Variants in NAV2 observed in about 807,000 individuals in gnomAD.
The protein encoded by NAV2 is helicase, APC down-regulated 1.
Under a neutral mutation model 223.2 loss-of-function variants are expected in NAV2, and 54 were observed. The ratio of observed to expected loss-of-function variants is 0.24; its 90% CI spans 0.19 to 0.30. The LOEUF is 0.30. Ranked by LOEUF, NAV2 falls within the 10% of genes least tolerant of loss-of-function variation. The probability of loss-of-function intolerance (pLI) is 1.00; values close to 1 mark genes in which losing one functional copy is unlikely to be tolerated. For synonymous variants in NAV2, 1,279 were observed against 1,239.3 expected, an observed-to-expected ratio of 1.03 and a Z score of -0.67; for missense variants, 2,806 against 3,147.5, an observed-to-expected ratio of 0.89 and a Z score of 2.60.
intron 5 of NAV2, 96 bp downstream of exon 5, chr11:19,880,223 GCTT>G: frequency 7.0e-7 from 1 of 1,432,186 alleles, no homozygotes. Flanking sequence ...TTTCATTTGT[GCTT>G]CTTCAATGCT....
chr11:19,416,552 AT>A (rs1351762109), intron 1 of NAV2, among the ~76,000 whole-genome samples: 1 of 152,248 alleles, frequency 6.6e-6, no homozygotes, highest in Non-Finnish European at 1.5e-5. Context: ...TGCTATCCCC[AT>A]CAAGCTACCA....
At chr11:19,660,907 G>T (rs576766278) in intron 1 of NAV2, among the ~76,000 whole-genome samples, 1 of 152,044 alleles carries the variant, frequency 6.6e-6, no homozygotes, top group African/African-American at 2.4e-5. Context: ...CTTTTGTTTG[G>T]TGTCACTCTT....
intron 6 of NAV2, among the ~76,000 whole-genome samples, chr11:19,899,824 G>A (rs2042294196): frequency 6.6e-6 from 1 of 152,164 alleles, no homozygotes; most frequent in Admixed American, 6.5e-5. Context: ...TCCTGATCTG[G>A]GTGTTAATCT....
chr11:19,822,372 A>T (rs937908596), intron 1 of NAV2, among the ~76,000 whole-genome samples: 1 of 152,224 alleles, frequency 6.6e-6, no homozygotes, highest in Non-Finnish European at 1.5e-5. Flanking sequence ...TTACTATCCT[A>T]CATAAGACTG....
chr11:19,963,271 A>G (rs569472948), intron 10 of NAV2, among the ~76,000 whole-genome samples: 4 of 152,266 alleles, frequency 2.6e-5, no homozygotes, highest in South Asian at 4.1e-4. Context: ...TCCCAGTTTT[A>G]CAATCAAGGG....
At chr11:19,456,623 C>T (rs1016296175) in intron 1 of NAV2, among the ~76,000 whole-genome samples, 1 of 152,212 alleles carries the variant, frequency 6.6e-6, no homozygotes, top group Non-Finnish European at 1.5e-5. Flanking sequence ...CTACTGACCC[C>T]AGCATCATCA....
chr11:19,457,777 C>T (rs1044035720), intron 1 of NAV2, among the ~76,000 whole-genome samples: 11 of 152,024 alleles, frequency 7.2e-5, no homozygotes, highest in South Asian at 4.1e-4. Flanking sequence ...GGGGCACCAC[C>T]GTCCTGGGCA....
chr11:19,534,162 T>C (rs1359129156), intron 1 of NAV2, among the ~76,000 whole-genome samples: 1 of 152,232 alleles, frequency 6.6e-6, no homozygotes, highest in Non-Finnish European at 1.5e-5. Flanking sequence ...CAGTTACTCC[T>C]TACTGCATCT....
intron 1 of NAV2, among the ~76,000 whole-genome samples, chr11:19,390,879 A>G (rs1443907752): frequency 6.6e-6 from 1 of 152,158 alleles, no homozygotes; most frequent in Admixed American, 6.5e-5. Flanking sequence ...TTCAATAACT[A>G]CTTGCCAGGC....
At chr11:20,082,747 T>C (rs1366140480) in intron 25 of NAV2, 3 of 928,868 alleles carry the variant, frequency 3.2e-6, no homozygotes, top group South Asian at 1.5e-5. Flanking sequence ...TGAGCCAGAC[T>C]CTGTGTTGCT....
chr11:19,811,957 C>T (rs1225466542), intron 1 of NAV2, among the ~76,000 whole-genome samples: 3 of 152,144 alleles, frequency 2.0e-5, no homozygotes, highest in Non-Finnish European at 2.9e-5. Context: ...GAATGGTCTT[C>T]CTATGGCTTA....
At chr11:19,896,658 C>G (rs1398934355) in intron 6 of NAV2, among the ~76,000 whole-genome samples, 2 of 152,154 alleles carry the variant, frequency 1.3e-5, no homozygotes, top group Non-Finnish European at 2.9e-5. Context: ...CCCCGTTGAC[C>G]TAAGAATTTC....
At chr11:20,074,801 T>C (rs768980202) in intron 22 of NAV2, among the ~76,000 whole-genome samples, 9 of 149,604 alleles carry the variant, frequency 6.0e-5, no homozygotes, top group Non-Finnish European at 1.3e-4. Flanking sequence ...TGGTAAATAT[T>C]CCTTCATCCC....
intron 6 of NAV2, among the ~76,000 whole-genome samples, chr11:19,923,668 C>CAA: frequency 1.3e-5 from 2 of 152,294 alleles, no homozygotes; most frequent in Non-Finnish European, 1.5e-5. Context: ...TGCATTCTGC[C>CAA]AAAAAGCTGC....
intron 1 of NAV2, among the ~76,000 whole-genome samples, chr11:19,659,432 G>T (rs530620501): frequency 6.6e-6 from 1 of 152,142 alleles, no homozygotes; most frequent in African/African-American, 2.4e-5. Flanking sequence ...GTCTTAAGTG[G>T]GAGTTAACGT....
At chr11:19,848,962 G>A (rs2060961420) in intron 3 of NAV2, among the ~76,000 whole-genome samples, 1 of 152,146 alleles carries the variant, frequency 6.6e-6, no homozygotes, top group African/African-American at 2.4e-5. Flanking sequence ...CTTGGCCTTA[G>A]CACTTCACTT....
At chr11:19,464,425 G>T (rs1852276793) in intron 1 of NAV2, among the ~76,000 whole-genome samples, 1 of 152,148 alleles carries the variant, frequency 6.6e-6, no homozygotes, top group African/African-American at 2.4e-5. Flanking sequence ...GATAGATCCT[G>T]CTGATGAGAG....
At chr11:20,075,300 T>G (rs2059661212) in intron 22 of NAV2, among the ~76,000 whole-genome samples, 2 of 151,864 alleles carry the variant, frequency 1.3e-5, no homozygotes, top group South Asian at 2.1e-4. Flanking sequence ...CTTGGCTCAC[T>G]GCAAGCTCCG....
intron 12 of NAV2, among the ~76,000 whole-genome samples, chr11:20,037,486 C>T (rs2056503804): frequency 1.3e-5 from 2 of 151,898 alleles, no homozygotes. Flanking sequence ...CCAGTTACTT[C>T]TTGTATTCTT....
Sources: allele counts gnomAD v4.1 joint callset (sites outside exome capture counted in the v4.1 genomes callset), GRCh38; gene constraint gnomAD v4.1.1; transcripts MANE v1.5; gene names NCBI Gene and HGNC (gene_info 2026-07-23, HGNC 2026-07-21).